The following RAI2 variants were observed in gnomAD, a reference collection of about 807,000 sequenced individuals.
RAI2 encodes retinoic acid induced 2.
In RAI2, 5 loss-of-function variants were observed where a neutral mutation model predicts 15.3. The ratio of observed to expected loss-of-function variants is 0.33; its 90% CI spans 0.17 to 0.69. The LOEUF (loss-of-function observed/expected upper bound fraction) is 0.69. Among genes scored for constraint, RAI2 ranks in the 30% least tolerant of loss-of-function variants. RAI2 has a pLI of 0.69. For missense variants in RAI2, 424 were observed against 424.7 expected (o/e 1.00, Z 0.01); for synonymous variants, 191 against 184.0 (o/e 1.04, Z -0.31).
chrX:17,828,703 T>C (rs1363503042), intron 1 of RAI2, among the ~76,000 whole-genome samples: 1 of 111,397 alleles, frequency 9.0e-6, no homozygotes, highest in Non-Finnish European at 1.9e-5. Flanking sequence ...TTATGGATGA[T>C]AAAATGAAGA....
At chrX:17,818,169 G>T (rs2147232203) in intron 1 of RAI2, among the ~76,000 whole-genome samples, 1 of 112,171 alleles carries the variant, frequency 8.9e-6, no homozygotes, top group Non-Finnish European at 1.9e-5. Flanking sequence ...CTCAAGCCCT[G>T]CAATAAACGT....
intron 1 of RAI2, among the ~76,000 whole-genome samples, chrX:17,859,595 C>T (rs2067661535): frequency 1.8e-5 from 2 of 112,841 alleles, no homozygotes; most frequent in Non-Finnish European, 3.7e-5. Flanking sequence ...CCGGGCTCTG[C>T]GGAATATCAT....
At chrX:17,836,106 T>A (rs769918283) in intron 1 of RAI2, among the ~76,000 whole-genome samples, 22 of 110,465 alleles carry the variant, frequency 2.0e-4, no homozygotes, top group Non-Finnish European at 3.6e-4. Flanking sequence ...GCAACCCCTG[T>A]ATCTTAAATG....
chrX:17,854,404 C>G (rs1244567491), intron 1 of RAI2, among the ~76,000 whole-genome samples: 3 of 112,079 alleles, frequency 2.7e-5, no homozygotes, highest in African/African-American at 9.7e-5. Flanking sequence ...CCCTAAAATT[C>G]CTTTCATCCT....
At chrX:17,849,930 A>T (rs1306164014) in intron 1 of RAI2, among the ~76,000 whole-genome samples, 1 of 111,117 alleles carries the variant, frequency 9.0e-6, no homozygotes, top group African/African-American at 3.3e-5. Flanking sequence ...CTCACATTAA[A>T]CTCAAGCCTT....
chrX:17,813,379 T>A, intron 1 of RAI2, among the ~76,000 whole-genome samples: 1 of 111,892 alleles, frequency 8.9e-6, no homozygotes, highest in Non-Finnish European at 1.9e-5. Flanking sequence ...AAGTATTATG[T>A]TCCTTTATTG....
chrX:17,837,689 C>T (rs1299992662), intron 1 of RAI2: 1 of 112,519 alleles, frequency 8.9e-6, no homozygotes, highest in Non-Finnish European at 1.9e-5. Flanking sequence ...GAAGTCAAGA[C>T]AGGCCTTATG....
intron 1 of RAI2, among the ~76,000 whole-genome samples, chrX:17,842,691 C>A (rs2067413340): frequency 9.5e-6 from 1 of 105,357 alleles, no homozygotes; most frequent in African/African-American, 3.5e-5. Context: ...AGGACATGAA[C>A]CAAAATGGTG....
intron 1 of RAI2, among the ~76,000 whole-genome samples, chrX:17,850,703 G>C (rs1196102819): frequency 8.9e-6 from 1 of 112,026 alleles, no homozygotes; most frequent in Non-Finnish European, 1.9e-5. Flanking sequence ...GTGAACCTCA[G>C]ACTTTTGAAT....
intron 1 of RAI2, among the ~76,000 whole-genome samples, chrX:17,816,995 G>C (rs1427959345): frequency 9.0e-6 from 1 of 111,415 alleles, no homozygotes; most frequent in Non-Finnish European, 1.9e-5. Flanking sequence ...GAAGATAGTG[G>C]AGCCACAGGA....
intron 1 of RAI2, among the ~76,000 whole-genome samples, chrX:17,859,078 A>T (rs771218437): frequency 9.0e-6 from 1 of 111,514 alleles, no homozygotes; most frequent in Non-Finnish European, 1.9e-5. Flanking sequence ...AGGCAGAGAA[A>T]CTGGGATGCC....
chrX:17,810,957 G>A (rs2067042478), intron 1 of RAI2, among the ~76,000 whole-genome samples: 1 of 112,400 alleles, frequency 8.9e-6, no homozygotes, highest in Admixed American at 9.4e-5. Flanking sequence ...CCATTCTGAA[G>A]ATATTAACCA....
At chrX:17,837,438 C>G (rs1233574943) in intron 1 of RAI2, 1 of 112,042 alleles carries the variant, frequency 8.9e-6, no homozygotes. Flanking sequence ...CTGCACCCAG[C>G]CTTACAGGGC....
chrX:17,856,785 A>G (rs946284260), intron 1 of RAI2, among the ~76,000 whole-genome samples: 1 of 111,985 alleles, frequency 8.9e-6, no homozygotes, highest in Non-Finnish European at 1.9e-5. Flanking sequence ...TCCAATAACA[A>G]TTCTGGGTTT....
At chrX:17,844,214 G>A (rs998790398) in intron 1 of RAI2, among the ~76,000 whole-genome samples, 2 of 112,488 alleles carry the variant, frequency 1.8e-5, no homozygotes, top group African/African-American at 6.5e-5. Flanking sequence ...TGAAACCTAC[G>A]AAGAAGAGAA....
At chrX:17,838,463 A>T (rs1018920157) in intron 1 of RAI2, among the ~76,000 whole-genome samples, 1 of 111,871 alleles carries the variant, frequency 8.9e-6, no homozygotes, top group Non-Finnish European at 1.9e-5. Flanking sequence ...TGGAAACTTA[A>T]GCCCTTGCCT....
At chrX:17,802,178 T>A in intron 1 of RAI2, 144 bp from the exon 2 acceptor site, 1 of 729,010 alleles carries the variant, frequency 1.4e-6, no homozygotes, top group Non-Finnish European at 1.9e-6. Context: ...GTTCAGGTTA[T>A]AGATATCTCC....
chrX:17,821,157 T>C (rs1399204877), intron 1 of RAI2, among the ~76,000 whole-genome samples: 2 of 112,571 alleles, frequency 1.8e-5, no homozygotes, highest in African/African-American at 6.5e-5. Flanking sequence ...CAATGTTCTA[T>C]ACATGGTCCA....
intron 1 of RAI2, among the ~76,000 whole-genome samples, chrX:17,808,673 C>G (rs777702554): frequency 2.7e-5 from 3 of 110,247 alleles, no homozygotes; most frequent in African/African-American, 9.9e-5. Context: ...GCCCTCACCC[C>G]CAGGAAGACG....
Sources: allele counts gnomAD v4.1 joint callset (sites outside exome capture counted in the v4.1 genomes callset), GRCh38; gene constraint gnomAD v4.1.1; transcripts MANE v1.5; gene names NCBI Gene and HGNC (gene_info 2026-07-23, HGNC 2026-07-21).